SLC6A19: variants seen among roughly 807,000 people sequenced by gnomAD.
SLC6A19 encodes solute carrier family 6 member 19.
Under a neutral mutation model 68.3 loss-of-function variants are expected in SLC6A19, and 67 were observed. That is an observed-to-expected ratio of 0.98 (90% CI 0.81 to 1.20). SLC6A19 has a LOEUF of 1.20. SLC6A19 is among the 50% of genes most tolerant of loss of function. SLC6A19 has a pLI of 0.00. For missense variants in SLC6A19, 813 were observed against 851.6 expected (o/e 0.95, Z 0.56); for synonymous variants, 392 against 374.9 (o/e 1.05, Z -0.53).
In SLC6A19 at chr5:1,201,800, G is replaced by A. The variant is rs1192066819; in HGVS notation, c.150G>A (p.Val50=). ...QYMLTCLGFC[V]GLGNVWRFPY... Reference sequence around the variant, plus strand: ...TGCTCACCTGCCTGGGCTTCTGCGTGGGCCTCGGCAACGTGTGGCGCTTCC... The same window carrying A: ...TGCTCACCTGCCTGGGCTTCTGCGTAGGCCTCGGCAACGTGTGGCGCTTCC... Residue 50 remains valine (V), a synonymous_variant, in exon 1 of 12, where the codon GTG becomes GTA. Coordinates refer to ENST00000304460, the MANE Select transcript of SLC6A19 (RefSeq NM_001003841.3). 2 of 1,612,584 alleles carry A rather than the reference G, an allele frequency of 1.2e-6. No individual in the cohort carries two copies. The highest frequency in any genetic ancestry group is 2.2e-5 in the East Asian group (1 of 44,874).
intron 1 of SLC6A19, 25 bp downstream of exon 1, chr5:1,201,877 G>A (rs373780178): frequency 3.9e-5 from 63 of 1,601,568 alleles, no homozygotes; most frequent in Middle Eastern, 1.7e-4. Flanking sequence ...CGGGGCTGCG[G>A]GCGAGGCCGT....
rs751554174 is a variant in SLC6A19 at position 1,221,735 on chromosome 5, C to G, written c.1736C>G (p.Pro579Arg). The G allele has an allele frequency of 6.2e-7, 1 of 1,614,072 alleles. No individual in the cohort carries two copies. The highest frequency in any genetic ancestry group is 8.5e-7 in the Non-Finnish European group (1 of 1,179,938). ...CCCAAATCCCAGAAGATCTCCTACC[C>G]GAACTGGGTGTATGTGGTGGTGGTG... ...EFPKSQKISYPNWVYVVVVIV... is the reference protein window; with the variant it reads ...EFPKSQKISYRNWVYVVVVIV... The change falls in exon 12 of 12, where the codon CCG (proline) becomes CGG (arginine). Residue 579 changes from proline to arginine, a missense_variant. By Grantham distance (103) the Pro-to-Arg change is moderately radical. Coordinates refer to ENST00000304460, the MANE Select transcript of SLC6A19 (RefSeq NM_001003841.3).
In SLC6A19 at chr5:1,212,713, G is replaced by A. The variant is rs893932990; in HGVS notation, c.663+229G>A. On this transcript the variant is annotated intron_variant, in intron 4 of 11. Coordinates refer to ENST00000304460, the MANE Select transcript of SLC6A19 (RefSeq NM_001003841.3). The surrounding 1 kb of genome is among the most constrained non-coding windows in gnomAD (Gnocchi z 5.1). ...ACCAGACTTGGGGCTCCAGGAACTT[G>A]ACGTTGGCCCACACGACACTTAGCG... 9.2e-5 allele frequency among the ~76,000 whole-genome samples: 14 copies of A among 152,094 alleles called. No individual in the cohort carries two copies. The highest frequency in any genetic ancestry group is 3.1e-4 in the African/African-American group (13 of 41,388).
In SLC6A19 at chr5:1,223,987, C is replaced by T. The variant is rs1017897477; in HGVS notation, c.*2083C>T. 10 of 152,282 alleles carry T rather than the reference C, an allele frequency of 6.6e-5. No homozygotes were observed. The highest frequency in any genetic ancestry group is 2.4e-4 in the African/African-American group (10 of 41,472). The allele number at this position is 152,282 out of a possible 1,614,324, so 9.4% of individuals were successfully genotyped here. ...GGGGGACATATCACAGCCTCTGCCC[C>T]CGGCTGTGATGCCACCGAGGGGCTC... On this transcript the variant is annotated 3_prime_UTR_variant, in exon 12 of 12. Coordinates refer to ENST00000304460, the MANE Select transcript of SLC6A19 (RefSeq NM_001003841.3).
Position 1,213,948 on chromosome 5 carries a change from C to G in SLC6A19, c.775-5C>G, listed in dbSNP as rs149379208. On this transcript the variant is annotated splice_polypyrimidine_tract_variant and splice_region_variant and intron_variant, in intron 5 of 11. Transcript: ENST00000304460. ...TGAGTGGCTGAGGGTCTCCATGTGGCGCAGGTCACGGAGCTGGCCCAGCCG... is the reference window on the plus strand; with the variant it reads ...TGAGTGGCTGAGGGTCTCCATGTGGGGCAGGTCACGGAGCTGGCCCAGCCG... 6.2e-7 allele frequency: 1 copy of G among 1,612,836 alleles called. No individual in the cohort carries two copies. Among genetic ancestry groups the G allele is most frequent in the Non-Finnish European group, 8.5e-7 (1 of 1,179,982 alleles).
rs951360417 is a variant in SLC6A19, at chr5:1,212,145, C to A, written c.482-158C>A. 6.6e-6 allele frequency among the ~76,000 whole-genome samples: 1 copy of A among 152,058 alleles called. No individual in the cohort carries two copies. Among genetic ancestry groups the A allele is most frequent in the African/African-American group, 2.4e-5 (1 of 41,382 alleles). ...CTGTGTGCGTGCATGCATGTGCGTGCACGTGAGCATGTGTGCCTGTGTTCA... is the reference window on the plus strand; with the variant it reads ...CTGTGTGCGTGCATGCATGTGCGTGAACGTGAGCATGTGTGCCTGTGTTCA... On this transcript the variant is annotated intron_variant, in intron 3 of 11. Coordinates refer to ENST00000304460, the MANE Select transcript of SLC6A19 (RefSeq NM_001003841.3). The surrounding 1 kb of genome is among the most constrained non-coding windows in gnomAD (Gnocchi z 5.1).
In SLC6A19 at chr5:1,221,710, C is replaced by T. The variant is rs749787490; in HGVS notation, c.1711C>T (p.Pro571Ser). Residue 571 changes from proline to serine, a missense_variant, in exon 12 of 12, where the codon CCC becomes TCC. Pro to Ser is a moderately conservative substitution (Grantham distance 74). Transcript: ENST00000304460. ...GGGGCTCTCTCCCCAGGAGGAATTTCCCAAATCCCAGAAGATCTCCTACCC... is the reference window on the plus strand; with the variant it reads ...GGGGCTCTCTCCCCAGGAGGAATTTTCCAAATCCCAGAAGATCTCCTACCC... ...SIWDPGYEEF[P>S]KSQKISYPNW... is the part of the protein sequence containing the mutation. 2 of 1,613,992 alleles carry T rather than the reference C, an allele frequency of 1.2e-6. No individual in the cohort carries two copies. The highest frequency in any genetic ancestry group is 3.3e-5 in the Admixed American group (2 of 60,024).
Position 1,209,806 on chromosome 5 carries a change from C to G in SLC6A19, c.344-638C>G, listed in dbSNP as rs190880952. Among the ~76,000 whole-genome samples, 3 of 152,202 alleles carry G rather than the reference C, an allele frequency of 2.0e-5. No homozygotes were observed. The East Asian group carries it at 5.8e-4, about 29-fold the overall frequency. On this transcript the variant is annotated intron_variant, in intron 2 of 11. Coordinates refer to ENST00000304460, the MANE Select transcript of SLC6A19 (RefSeq NM_001003841.3). This position sits in a 1 kb window ranked among gnomAD's most constrained non-coding sequence, Gnocchi z 5.5. ...TCCGTCTCTCCCCCTGTCTCTCTTC[C>G]CCATCTCACACTCACATATTCACAA...
intron 1 of SLC6A19, among the ~76,000 whole-genome samples, chr5:1,208,107 G>T (rs1232758815): frequency 6.6e-6 from 1 of 152,156 alleles, no homozygotes; most frequent in Admixed American, 6.5e-5. Flanking sequence ...TGGTATTAAA[G>T]ACATCCACAA....
chr5:1,203,407 TGCGGGCA>T (rs753609962), intron 1 of SLC6A19, among the ~76,000 whole-genome samples: 34 of 151,930 alleles, frequency 2.2e-4, no homozygotes, highest in Non-Finnish European at 2.8e-4. Context: ...GGTGGACAGG[TGCGGGCA>T]GCGGGCAGCG....
Position 1,219,579 on chromosome 5 carries a change from C to T in SLC6A19, c.1453C>T (p.Leu485=), listed in dbSNP as rs771332213. Residue 485 remains leucine, a synonymous_variant, in exon 10 of 12, where the codon CTG becomes TTG. Coordinates refer to ENST00000304460, the MANE Select transcript of SLC6A19 (RefSeq NM_001003841.3). ...CTCCGGCCAGTACTGGCTCTCCCTG[C>T]TGGACAGCTATGCCGGCTCCATTCC... ...LNSGQYWLSL[L]DSYAGSIPLL... is the part of the protein sequence containing the mutation. The T allele has an allele frequency of 1.1e-5, 17 of 1,611,966 alleles. No homozygotes were observed. In the Admixed American group the frequency reaches 1.7e-4, roughly 16 times the overall value.
Position 1,219,742 on chromosome 5 carries a change from G to C in SLC6A19, c.1538+78G>C, listed in dbSNP as rs950908933. On this transcript the variant is annotated intron_variant, in intron 10 of 11. Coordinates refer to ENST00000304460, the MANE Select transcript of SLC6A19 (RefSeq NM_001003841.3). ...GGGCGTTCCTGTGAGGGAGGACCCG[G>C]GCTGTGTTCAGGGTACGGAGGGAGA... is the stretch of plus-strand genomic sequence containing the variant. 6.9e-6 allele frequency: 11 copies of C among 1,589,508 alleles called. No individual in the cohort carries two copies. In the African/African-American group the frequency reaches 1.2e-4, roughly 17 times the overall value.
At position 1,224,004 on chromosome 5, in the gene SLC6A19, G is replaced by C. The variant is rs1175150675; in HGVS notation, c.*2100G>C. 1 of 152,270 alleles carries C rather than the reference G, an allele frequency of 6.6e-6. No homozygotes were observed. Among genetic ancestry groups the C allele is most frequent in the Non-Finnish European group, 1.5e-5 (1 of 68,054 alleles). The allele number at this position is 152,270 out of a possible 1,614,324, so 9.4% of individuals were successfully genotyped here. On this transcript the variant is annotated 3_prime_UTR_variant, in exon 12 of 12. Coordinates refer to ENST00000304460, the MANE Select transcript of SLC6A19 (RefSeq NM_001003841.3). ...CTCTGCCCCCGGCTGTGATGCCACC[G>C]AGGGGCTCGCCTGCTGATGGCTTCA...
intron 1 of SLC6A19, among the ~76,000 whole-genome samples, chr5:1,207,377 C>T (rs1376723058): frequency 1.4e-5 from 2 of 147,058 alleles, no homozygotes; most frequent in Non-Finnish European, 3.0e-5. Context: ...GCGGTCAGGG[C>T]AGCCCGCTTG....
At chr5:1,221,592 C>A in intron 11 of SLC6A19, 109 bp from the exon 12 acceptor site, 1 of 1,409,436 alleles carries the variant, frequency 7.1e-7, no homozygotes, top group Non-Finnish European at 9.9e-7. Flanking sequence ...GGCCACCCTG[C>A]CTGCCCCACA....
Position 1,212,297 on chromosome 5 carries a change from C to T in SLC6A19, c.482-6C>T, listed in dbSNP as rs1448799448. ...CCCTGAGGTGTGTGAATGGCCCTCT[C>T]CCCAGGGTATGTGGACGAGTGCGCC... On this transcript the variant is annotated splice_region_variant and splice_polypyrimidine_tract_variant and intron_variant, in intron 3 of 11. Transcript: ENST00000304460. This position sits in a 1 kb window ranked among gnomAD's most constrained non-coding sequence, Gnocchi z 5.1. The T allele has an allele frequency of 7.4e-6, 12 of 1,613,054 alleles. No homozygotes were observed. The highest frequency in any genetic ancestry group is 2.2e-5 in the East Asian group (1 of 44,900).
At position 1,216,930 on chromosome 5, in the gene SLC6A19, C is replaced by T. The variant is rs138438258; in HGVS notation, c.1158C>T (p.Asn386=). The stretch of plus-strand genomic sequence containing the variant: ...TGGTGTTCCAGACCTGCGACATCAA[C>T]GCCTTCCTCTCAGAGGTAGGTCCAT... ...AQLVFQTCDI[N]AFLSEAVEGT... Residue 386 remains asparagine, a synonymous_variant, in exon 8 of 12, where the codon AAC becomes AAT. Coordinates refer to ENST00000304460, the MANE Select transcript of SLC6A19 (RefSeq NM_001003841.3). 230 of 1,613,048 alleles carry T rather than the reference C, an allele frequency of 1.4e-4. No homozygotes were observed. Among genetic ancestry groups the T allele is most frequent in the Middle Eastern group, 5.3e-4 (3 of 5,632 alleles).
chr5:1,210,354 C>G lies in SLC6A19; in HGVS notation c.344-90C>G, dbSNP rs1745989816. 6.4e-6 allele frequency: 10 copies of G among 1,570,526 alleles called. No individual in the cohort carries two copies. In the South Asian group the frequency reaches 1.1e-4, roughly 18 times the overall value. ...TAGCCCATCCCAGCCACACCCTGTG[C>G]CAGCCCTGGGACCTCCTGCTCAGAG... On this transcript the variant is annotated intron_variant, in intron 2 of 11. Coordinates refer to ENST00000304460, the MANE Select transcript of SLC6A19 (RefSeq NM_001003841.3).
chr5:1,213,602 G>T, intron 5 of SLC6A19, 29 bp downstream of exon 5: 1 of 1,592,236 alleles, frequency 6.3e-7, no homozygotes, highest in South Asian at 1.1e-5. Flanking sequence ...CCTGGGCCCA[G>T]ACCCCGGGAG....
Sources: gnomAD v4.1 joint callset for allele counts (sites outside exome capture counted in the v4.1 genomes callset) on GRCh38, gnomAD v4.1.1 for gene constraint, Gnocchi (gnomAD v3.1) non-coding constraint, MANE v1.5 for transcripts, NCBI Gene and HGNC (gene_info 2026-07-23, HGNC 2026-07-21) for gene names.